The following PPP1R14C variants were observed in gnomAD, a reference collection of about 807,000 sequenced individuals.
PPP1R14C encodes protein phosphatase 1 regulatory subunit 14C.
In PPP1R14C, 16 loss-of-function variants were observed where a neutral mutation model predicts 20.4. The observed-to-expected ratio is 0.78, with a 90% CI of 0.53 to 1.19. PPP1R14C has a LOEUF of 1.19. PPP1R14C is among the 50% of genes most tolerant of loss of function. The probability of loss-of-function intolerance (pLI) is 0.00; values close to 1 mark genes in which losing one functional copy is unlikely to be tolerated. For missense variants in PPP1R14C, 211 were observed against 220.1 expected (o/e 0.96, Z 0.26); for synonymous variants, 91 against 91.0 (o/e 1.00, Z 0.00).
chr6:150,151,955 C>T (rs939497137), intron 1 of PPP1R14C, among the ~76,000 whole-genome samples: 1 of 151,808 alleles, frequency 6.6e-6, no homozygotes, highest in Non-Finnish European at 1.5e-5. Context: ...CCCGTCTCTA[C>T]TAAAAATACA....
chr6:150,214,769 T>C lies in PPP1R14C; in HGVS notation c.332T>C (p.Ile111Thr), dbSNP rs368020036. 1.2e-6 allele frequency: 2 copies of C among 1,613,216 alleles called. No individual in the cohort carries two copies. The highest frequency in any genetic ancestry group is 1.7e-6 in the Non-Finnish European group (2 of 1,179,684). Residue 111 changes from isoleucine (I) to threonine (T), a missense_variant, in exon 2 of 4, where the codon ATT becomes ACT. Coordinates refer to ENST00000361131, the MANE Select transcript of PPP1R14C (RefSeq NM_030949.3). ...CEEEEMPEVEIDIDDLLDADS... is the reference protein window; with the variant it reads ...CEEEEMPEVETDIDDLLDADS... ...GAAGAAGAAATGCCAGAGGTAGAAA[T>C]TGACATTGATGATCTTCTTGATGCA...
chr6:150,192,095 A>G (rs1777752389), intron 1 of PPP1R14C, among the ~76,000 whole-genome samples: 1 of 152,150 alleles, frequency 6.6e-6, no homozygotes, highest in African/African-American at 2.4e-5. Context: ...ATGAAATTCC[A>G]TGCATGAGAT....
At chr6:150,224,959 C>T (rs1242234136) in intron 3 of PPP1R14C, among the ~76,000 whole-genome samples, 1 of 151,818 alleles carries the variant, frequency 6.6e-6, no homozygotes, top group African/African-American at 2.4e-5. Context: ...AGCCTGTGTC[C>T]TTGAACTGTG....
chr6:150,200,800 T>C (rs1229254326), intron 1 of PPP1R14C, among the ~76,000 whole-genome samples: 1 of 152,220 alleles, frequency 6.6e-6, no homozygotes, highest in East Asian at 1.9e-4. Context: ...CATTCATATC[T>C]GCCTCACAAG....
At chr6:150,175,971 C>G (rs529347290) in intron 1 of PPP1R14C, among the ~76,000 whole-genome samples, 1 of 152,200 alleles carries the variant, frequency 6.6e-6, no homozygotes, top group East Asian at 1.9e-4. Flanking sequence ...ATCTCTAAAC[C>G]GGCCACACCT....
chr6:150,191,495 GTGTGTA>G (rs1479822826), intron 1 of PPP1R14C, among the ~76,000 whole-genome samples: 1 of 152,224 alleles, frequency 6.6e-6, no homozygotes. Context: ...TACATCAGAT[GTGTGTA>G]TGTCTCTCAG....
At chr6:150,208,578 A>C (rs1777982433) in intron 1 of PPP1R14C, among the ~76,000 whole-genome samples, 1 of 152,236 alleles carries the variant, frequency 6.6e-6, no homozygotes, top group African/African-American at 2.4e-5. Flanking sequence ...TTGCAAATTA[A>C]ACATAAAGTA....
chr6:150,212,369 C>T (rs1266633876), intron 1 of PPP1R14C, among the ~76,000 whole-genome samples: 1 of 152,154 alleles, frequency 6.6e-6, no homozygotes, highest in Non-Finnish European at 1.5e-5. Flanking sequence ...GAAAATGGGT[C>T]AGTGCAATAC....
chr6:150,242,501 G>A (rs1008114569), intron 3 of PPP1R14C, among the ~76,000 whole-genome samples: 1 of 152,182 alleles, frequency 6.6e-6, no homozygotes, highest in Non-Finnish European at 1.5e-5. Flanking sequence ...AAAAGCATTA[G>A]GCAAAACCCA....
intron 1 of PPP1R14C, among the ~76,000 whole-genome samples, chr6:150,168,058 A>T (rs957816998): frequency 2.1e-3 from 5 of 2,418 alleles, no homozygotes; most frequent in African/African-American, 0.013. Flanking sequence ...CCTCTCCCCC[A>T]CTCCCCTCCC....
chr6:150,246,596 A>G (rs1263348128), intron 3 of PPP1R14C, among the ~76,000 whole-genome samples: 1 of 152,222 alleles, frequency 6.6e-6, no homozygotes. Flanking sequence ...TTCATTCTGT[A>G]CAAGTTCAGA....
intron 1 of PPP1R14C, among the ~76,000 whole-genome samples, chr6:150,149,661 T>G (rs1039080680): frequency 6.6e-6 from 1 of 152,046 alleles, no homozygotes; most frequent in South Asian, 2.1e-4. Context: ...GAGGACTGAT[T>G]GGTGAGACAC....
intron 3 of PPP1R14C, among the ~76,000 whole-genome samples, chr6:150,246,142 A>T (rs1213245015): frequency 6.6e-6 from 1 of 152,192 alleles, no homozygotes. Flanking sequence ...CAATTATCCA[A>T]ATTTAAATTT....
intron 3 of PPP1R14C, among the ~76,000 whole-genome samples, chr6:150,225,365 A>T (rs149998737): frequency 1.1e-3 from 164 of 152,166 alleles, no homozygotes; most frequent in African/African-American, 3.8e-3. Context: ...TTATCTCTAA[A>T]ACTTGTCCAC....
At chr6:150,174,500 G>A (rs1021875294) in intron 1 of PPP1R14C, among the ~76,000 whole-genome samples, 8 of 151,978 alleles carry the variant, frequency 5.3e-5, no homozygotes, top group South Asian at 4.2e-4. Context: ...ACAGGCGTGA[G>A]CCACCACGCC....
At chr6:150,226,662 G>A (rs772421479) in intron 3 of PPP1R14C, among the ~76,000 whole-genome samples, 1 of 152,026 alleles carries the variant, frequency 6.6e-6, no homozygotes, top group Non-Finnish European at 1.5e-5. Flanking sequence ...AGATACCTAT[G>A]CCATTGCTCT....
chr6:150,182,514 C>G (rs1303825527), intron 1 of PPP1R14C, among the ~76,000 whole-genome samples: 1 of 152,144 alleles, frequency 6.6e-6, no homozygotes, highest in African/African-American at 2.4e-5. Context: ...GACCTAATAA[C>G]CTCCCAAAGG....
chr6:150,164,232 TG>T (rs899203412), intron 1 of PPP1R14C, among the ~76,000 whole-genome samples: 4 of 152,200 alleles, frequency 2.6e-5, no homozygotes, highest in Non-Finnish European at 5.9e-5. Context: ...ACAACAACTT[TG>T]GGTTTGGGTT....
chr6:150,234,848 C>CAAAAA (rs56139981), intron 3 of PPP1R14C, among the ~76,000 whole-genome samples: 2 of 41,832 alleles, frequency 4.8e-5, no homozygotes, highest in African/African-American at 1.0e-4. Flanking sequence ...GACTCTGTCT[C>CAAAAA]AAAAAAAAAA....
Sources: allele counts gnomAD v4.1 joint callset (sites outside exome capture counted in the v4.1 genomes callset), GRCh38; gene constraint gnomAD v4.1.1; transcripts MANE v1.5; gene names NCBI Gene and HGNC (gene_info 2026-07-23, HGNC 2026-07-21).